The following DCUN1D4 variants were observed in gnomAD, a reference collection of about 807,000 sequenced individuals.
DCUN1D4 encodes defective in cullin neddylation 1 domain containing 4, also known as DCN1-like protein 4.
DCUN1D4 carries 22 observed loss-of-function variants against 47.9 expected under a neutral mutation model. That is an observed-to-expected ratio of 0.46 (90% CI 0.33 to 0.66). DCUN1D4 has a LOEUF of 0.66. DCUN1D4 is among the 30% of genes least tolerant of loss of function. DCUN1D4 has a pLI of 0.02. For synonymous variants in DCUN1D4, 121 were observed against 112.2 expected, an observed-to-expected ratio of 1.08 and a Z score of -0.50; for missense variants, 301 against 340.8, an observed-to-expected ratio of 0.88 and a Z score of 0.92.
At position 51,913,229 on chromosome 4, in the gene DCUN1D4, G is replaced by T; in HGVS notation, c.721-61G>T. ...AATTAAGTTGATTCATAAAGCAATT[G>T]AAACCGTCCCATTTGTTCATTTTAA... On this transcript the variant is annotated intron_variant, in intron 9 of 10. Coordinates refer to ENST00000334635, the MANE Select transcript of DCUN1D4 (RefSeq NM_001040402.3). 3 of 1,069,810 alleles carry T rather than the reference G, an allele frequency of 2.8e-6. No individual in the cohort carries two copies. The South Asian group carries it at 4.6e-5, about 16-fold the overall frequency. The allele number at this position is 1,069,810 out of a possible 1,614,324, so 66.3% of individuals were successfully genotyped here.
chr4:51,863,672 C>T lies in DCUN1D4; in HGVS notation c.99C>T (p.Asn33=), dbSNP rs1250463987. The change falls in exon 3 of 11, where the codon AAC becomes AAT. Residue 33 remains asparagine (N), a splice_region_variant and synonymous_variant. Transcript: ENST00000334635. The part of the protein sequence containing the change: ...HKIYHTLNKL[N]LTEDIGQDDH... ...AATAACGAACATATTTCTTTCAGAA[C>T]CTAACAGAAGACATTGGCCAAGACG... The T allele has an allele frequency of 1.2e-6, 2 of 1,613,390 alleles. No individual in the cohort carries two copies. The highest frequency in any genetic ancestry group is 1.7e-6 in the Non-Finnish European group (2 of 1,179,802).
At chr4:51,877,740 A>G (rs1255599880) in intron 4 of DCUN1D4, 23 bp from the exon 5 acceptor site, 2 of 1,517,698 alleles carry the variant, frequency 1.3e-6, no homozygotes, top group Non-Finnish European at 1.8e-6. Flanking sequence ...TAAATAACTT[A>G]AAACTGCCTT....
rs1729491705 is a variant in DCUN1D4, at chr4:51,886,472, C to CT, written c.344-93dup. 4 of 1,067,992 alleles carry CT rather than the reference C, an allele frequency of 3.7e-6. No individual in the cohort carries two copies. The Admixed American group carries it at 7.6e-5, about 20-fold the overall frequency. 66.2% of individuals were successfully genotyped at this position (1,067,992 alleles called of 1,614,324 possible). The stretch of plus-strand genomic sequence containing the variant: ...TTTTTTTCCAAAAGGAGTTAATGGC[C>CT]TTTAAGTCTTACTTGTTGACAGTAT... On this transcript the variant is annotated intron_variant, in intron 5 of 10. Coordinates refer to ENST00000334635, the MANE Select transcript of DCUN1D4 (RefSeq NM_001040402.3).
At chr4:51,900,345 C>G (rs1333108475) in intron 8 of DCUN1D4, among the ~76,000 whole-genome samples, 2 of 152,104 alleles carry the variant, frequency 1.3e-5, no homozygotes, top group East Asian at 3.9e-4. Context: ...CTAGTTAAAT[C>G]ACACCATGCA....
At position 51,913,325 on chromosome 4, in the gene DCUN1D4, G is replaced by T. The variant is rs988204877; in HGVS notation, c.756G>T (p.Trp252Cys). Residue 252 changes from tryptophan to cysteine, a missense_variant, in exon 10 of 11, where the codon TGG becomes TGT. Trp to Cys is a radical substitution (Grantham distance 215, BLOSUM62 -2). Transcript: ENST00000334635. The stretch of plus-strand genomic sequence containing the variant: ...ACAAAGTTATTAATAAAGACCAGTG[G>T]TGCAATGTCCTAGAGTTTAGCAGAA... Reference protein sequence around the residue: ...SKYKVINKDQWCNVLEFSRTI... With the variant: ...SKYKVINKDQCCNVLEFSRTI... 6.2e-7 allele frequency: 1 copy of T among 1,611,698 alleles called. No individual in the cohort carries two copies.
intron 7 of DCUN1D4, among the ~76,000 whole-genome samples, chr4:51,896,563 TTATTAA>T (rs1731298305): frequency 6.6e-6 from 1 of 152,120 alleles, no homozygotes; most frequent in African/African-American, 2.4e-5. Flanking sequence ...TCTCCGATTA[TTATTAA>T]TATTATATTA....
At chr4:51,904,708 TG>T (rs1321528283) in intron 8 of DCUN1D4, among the ~76,000 whole-genome samples, 1 of 152,228 alleles carries the variant, frequency 6.6e-6, no homozygotes, top group African/African-American at 2.4e-5. Context: ...TCACCTTTTT[TG>T]TCCAATTTCC....
intron 5 of DCUN1D4, among the ~76,000 whole-genome samples, chr4:51,878,319 T>C (rs1197707566): frequency 6.6e-6 from 1 of 152,248 alleles, no homozygotes; most frequent in East Asian, 1.9e-4. Context: ...TGCAATTTAC[T>C]ATAATTGGTT....
At position 51,843,278 on chromosome 4, in the gene DCUN1D4, G is replaced by A. The variant is rs770689986; in HGVS notation, c.25+11G>A. The A allele has an allele frequency of 5.2e-6, 8 of 1,534,598 alleles. No homozygotes were observed. In the South Asian group the frequency reaches 8.5e-5, roughly 16 times the overall value. On this transcript the variant is annotated intron_variant, in intron 1 of 10. Coordinates refer to ENST00000334635, the MANE Select transcript of DCUN1D4 (RefSeq NM_001040402.3). ...ATGCCGCCGCTGTCAGTGAGTAGCA[G>A]AGAGCCAGCCAGCGGGCCGGGGCCG...
chr4:51,900,358 G>C (rs552800422), intron 8 of DCUN1D4, among the ~76,000 whole-genome samples: 3 of 152,192 alleles, frequency 2.0e-5, no homozygotes, highest in Non-Finnish European at 2.9e-5. Context: ...ACCATGCATA[G>C]AAATTTATTG....
intron 1 of DCUN1D4, among the ~76,000 whole-genome samples, chr4:51,861,097 T>C (rs1724982639): frequency 6.6e-6 from 1 of 152,220 alleles, no homozygotes; most frequent in East Asian, 1.9e-4. Flanking sequence ...AATAGGTGTC[T>C]GATAAATATT....
chr4:51,841,940 T>C (rs1721686243), upstream of DCUN1D4, among the ~76,000 whole-genome samples: 1 of 110,940 alleles, frequency 9.0e-6, no homozygotes, highest in South Asian at 3.2e-4. Flanking sequence ...TGTGTTGTTG[T>C]TGGAGTTGGT....
At chr4:51,891,285 A>T (rs760448845) in intron 6 of DCUN1D4, among the ~76,000 whole-genome samples, 13 of 152,320 alleles carry the variant, frequency 8.5e-5, no homozygotes, top group Non-Finnish European at 1.6e-4. Context: ...CTTTATATGG[A>T]ATGTATTCGG....
intron 8 of DCUN1D4, among the ~76,000 whole-genome samples, chr4:51,908,715 A>T (rs1390549450): frequency 6.6e-6 from 1 of 151,606 alleles, no homozygotes; most frequent in Non-Finnish European, 1.5e-5. Context: ...TTGTCAGAGA[A>T]CCCCCTGCGA....
chr4:51,859,423 T>C (rs1396845843), intron 1 of DCUN1D4, among the ~76,000 whole-genome samples: 1 of 152,102 alleles, frequency 6.6e-6, no homozygotes, highest in African/African-American at 2.4e-5. Flanking sequence ...AACCCTCTTA[T>C]GAGAGTAAAC....
chr4:51,846,053 T>C (rs1722497599), intron 1 of DCUN1D4, among the ~76,000 whole-genome samples: 1 of 152,154 alleles, frequency 6.6e-6, no homozygotes, highest in Non-Finnish European at 1.5e-5. Flanking sequence ...CAAAATGGTG[T>C]TTTTAAAGAA....
At chr4:51,908,908 C>G in intron 8 of DCUN1D4, 1 of 456,198 alleles carries the variant, frequency 2.2e-6, no homozygotes, top group Non-Finnish European at 4.4e-6. Flanking sequence ...ATATCTTTCT[C>G]TTATTTGCTA....
chr4:51,866,400 T>C (rs943414886), intron 3 of DCUN1D4, among the ~76,000 whole-genome samples: 21 of 118,676 alleles, frequency 1.8e-4, no homozygotes, highest in Admixed American at 1.3e-3. Context: ...ATGATGATGA[T>C]GATGATGATG....
upstream of DCUN1D4, among the ~76,000 whole-genome samples, chr4:51,840,619 G>A (rs1020281786): frequency 4.6e-5 from 7 of 152,098 alleles, no homozygotes; most frequent in Non-Finnish European, 8.8e-5. Context: ...TTCATGTACG[G>A]TAAACATTCA....
Sources: allele counts gnomAD v4.1 joint callset (sites outside exome capture counted in the v4.1 genomes callset), GRCh38; gene constraint gnomAD v4.1.1; transcripts MANE v1.5; gene names NCBI Gene and HGNC (gene_info 2026-07-23, HGNC 2026-07-21).